POLN: variants seen among roughly 807,000 people sequenced by gnomAD.
The protein encoded by POLN is DNA polymerase nu.
A neutral mutation model predicts 113.5 loss-of-function variants in POLN; 108 were observed. The ratio of observed to expected loss-of-function variants is 0.95; its 90% CI spans 0.81 to 1.12. The LOEUF is 1.12. Ranked by LOEUF, POLN falls within the 50% of genes most tolerant of loss-of-function variation. POLN has a pLI of 0.00. For missense variants in POLN, 1,097 were observed against 1,077.1 expected, an observed-to-expected ratio of 1.02 and a Z score of -0.26; for synonymous variants, 386 against 391.5, an observed-to-expected ratio of 0.99 and a Z score of 0.17.
intron 16 of POLN, among the ~76,000 whole-genome samples, chr4:2,134,483 G>T (rs1364958711): frequency 1.3e-5 from 2 of 152,168 alleles, no homozygotes; most frequent in Non-Finnish European, 2.9e-5. Context: ...ATGAGTGCCT[G>T]TTGCTCCACA....
At chr4:2,240,325 C>G (rs752526788) in intron 2 of POLN, 2 of 1,604,466 alleles carry the variant, frequency 1.2e-6, no homozygotes, top group East Asian at 2.2e-5. Flanking sequence ...GTGCTTTGCT[C>G]TTCCTGACTT....
At chr4:2,164,861 A>G (rs1732691971) in intron 13 of POLN, among the ~76,000 whole-genome samples, 1 of 144,568 alleles carries the variant, frequency 6.9e-6, no homozygotes, top group South Asian at 2.2e-4. Flanking sequence ...TTATAAAAAC[A>G]TACCCAACAC....
intron 10 of POLN, 51 bp from the exon 11 acceptor site, chr4:2,174,070 T>C (rs1446883162): frequency 1.9e-6 from 3 of 1,554,636 alleles, no homozygotes; most frequent in Non-Finnish European, 2.7e-6. Context: ...GTATTCTTTT[T>C]ACTAAAGACT....
intron 16 of POLN, among the ~76,000 whole-genome samples, chr4:2,132,756 G>A (rs1401040994): frequency 2.0e-5 from 3 of 152,206 alleles, no homozygotes; most frequent in African/African-American, 7.2e-5. Flanking sequence ...AGGAATGAAG[G>A]TGAGTGAAAG....
intron 2 of POLN, among the ~76,000 whole-genome samples, chr4:2,237,946 T>C (rs1436991183): frequency 6.6e-6 from 1 of 152,202 alleles, no homozygotes; most frequent in Non-Finnish European, 1.5e-5. Context: ...TAGATCATAA[T>C]GTCAGTGGTA....
In POLN at chr4:2,128,238, C is replaced by G; in HGVS notation, c.1868-11G>C. 3 of 1,540,746 alleles carry G rather than the reference C, an allele frequency of 1.9e-6. No homozygotes were observed. Among genetic ancestry groups the G allele is most frequent in the Non-Finnish European group, 2.7e-6 (3 of 1,115,148 alleles). ...CAATCTGTGAAAAGTCTGTGAGATA[C>G]AGTTCTGCATTAATTTAGAGTTTGC... is the stretch of plus-strand genomic sequence containing the variant. On this transcript the variant is annotated splice_polypyrimidine_tract_variant and intron_variant, in intron 18 of 25. Coordinates refer to ENST00000511885, the MANE Select transcript of POLN (RefSeq NM_181808.4).
intron 20 of POLN, among the ~76,000 whole-genome samples, chr4:2,094,692 C>T (rs1221531532): frequency 6.6e-6 from 1 of 152,068 alleles, no homozygotes; most frequent in Non-Finnish European, 1.5e-5. Context: ...AAGAGTAGTG[C>T]AAAGCTCTGA....
intron 19 of POLN, among the ~76,000 whole-genome samples, chr4:2,100,069 CAAAAAAGAAA>C (rs1474293744): frequency 2.9e-4 from 9 of 30,622 alleles, no homozygotes; most frequent in Non-Finnish European, 5.4e-4. Flanking sequence ...GACCCTGTCT[CAAAAAAGAAA>C]AAAAAAGAAA....
intron 16 of POLN, among the ~76,000 whole-genome samples, chr4:2,140,469 G>A (rs1156586430): frequency 6.6e-6 from 1 of 152,196 alleles, no homozygotes; most frequent in East Asian, 1.9e-4. Context: ...CACTTGGGCT[G>A]GACGCAGTGG....
intron 3 of POLN, among the ~76,000 whole-genome samples, chr4:2,223,326 G>A (rs1465603216): frequency 6.6e-5 from 10 of 152,174 alleles, no homozygotes; most frequent in African/African-American, 2.4e-4. Flanking sequence ...GAGAGCAGCA[G>A]GTGAGTGAGC....
intron 5 of POLN, among the ~76,000 whole-genome samples, chr4:2,201,356 A>T (rs1469655188): frequency 2.7e-5 from 4 of 150,584 alleles, no homozygotes; most frequent in Non-Finnish European, 5.9e-5. Context: ...ATAAAAAAAA[A>T]TCAAAACTTC....
chr4:2,119,372 G>A (rs527615233), intron 19 of POLN, among the ~76,000 whole-genome samples: 8 of 152,074 alleles, frequency 5.3e-5, no homozygotes, highest in African/African-American at 1.4e-4. Context: ...CTTGGACCCC[G>A]AAGTGCATAA....
At chr4:2,080,809 C>T in intron 23 of POLN, 149 bp downstream of exon 23, 4 of 1,528,328 alleles carry the variant, frequency 2.6e-6, no homozygotes, top group Admixed American at 1.9e-5. Context: ...TGAGTAGCCC[C>T]CAGGGCCTTC....
At chr4:2,142,257 G>C (rs1427523159) in intron 16 of POLN, among the ~76,000 whole-genome samples, 1 of 152,184 alleles carries the variant, frequency 6.6e-6, no homozygotes, top group Non-Finnish European at 1.5e-5. Context: ...GCTGAACACT[G>C]ATTCCTTTAT....
intron 22 of POLN, chr4:2,081,261 G>A: frequency 1.5e-6 from 2 of 1,358,942 alleles, no homozygotes; most frequent in Non-Finnish European, 2.0e-6. Context: ...CCTTACTCCT[G>A]GAGGCCTCAC....
At chr4:2,080,082 C>T (rs1326525030) in intron 23 of POLN, 13 of 985,408 alleles carry the variant, frequency 1.3e-5, no homozygotes, top group East Asian at 1.1e-4. Context: ...TGTCAGAGGG[C>T]GAGGGGCCCT....
intron 10 of POLN, 130 bp downstream of exon 10, chr4:2,174,561 G>T: frequency 2.6e-6 from 2 of 776,430 alleles, no homozygotes; most frequent in Non-Finnish European, 4.3e-6. Context: ...AAAATAATAG[G>T]CTTGCTACCT....
intron 2 of POLN, among the ~76,000 whole-genome samples, chr4:2,234,932 C>A (rs1176193277): frequency 6.6e-6 from 1 of 152,222 alleles, no homozygotes; most frequent in African/African-American, 2.4e-5. Flanking sequence ...GTCGCCCAGG[C>A]TGGAGTGCAG....
intron 19 of POLN, among the ~76,000 whole-genome samples, chr4:2,109,138 G>C (rs537662307): frequency 8.5e-5 from 13 of 152,168 alleles, no homozygotes; most frequent in Non-Finnish European, 1.8e-4. Flanking sequence ...TTTAGTAGAA[G>C]AATCTGAAAG....
Sources: gnomAD v4.1 joint callset for allele counts (sites outside exome capture counted in the v4.1 genomes callset) on GRCh38, gnomAD v4.1.1 for gene constraint, MANE v1.5 for transcripts, NCBI Gene and HGNC (gene_info 2026-07-23, HGNC 2026-07-21) for gene names.